Variants in AIG1 observed in about 807,000 individuals in gnomAD.
AIG1 encodes the protein androgen induced 1.
A neutral mutation model predicts 31.4 loss-of-function variants in AIG1; 23 were observed. The ratio of observed to expected loss-of-function variants is 0.73; its 90% CI spans 0.53 to 1.04. The LOEUF is 1.04. Ranked by LOEUF, AIG1 falls within the 50% of genes least tolerant of loss-of-function variation. The pLI is 0.00. For synonymous variants in AIG1, 100 were observed against 110.5 expected, an observed-to-expected ratio of 0.90 and a Z score of 0.60; for missense variants, 274 against 295.0, an observed-to-expected ratio of 0.93 and a Z score of 0.52.
intron 3 of AIG1, among the ~76,000 whole-genome samples, chr6:143,226,963 T>C (rs1234086034): frequency 1.3e-5 from 2 of 151,186 alleles, no homozygotes; most frequent in South Asian, 2.1e-4. Flanking sequence ...TTATAAACTT[T>C]CTTAAAACAT....
chr6:143,082,189 G>C (rs1187939403), intron 1 of AIG1, among the ~76,000 whole-genome samples: 2 of 152,088 alleles, frequency 1.3e-5, no homozygotes, highest in African/African-American at 4.8e-5. Context: ...CCTGAGTGAC[G>C]GCTATTAGTT....
At chr6:143,235,164 G>A (rs530154105) in intron 3 of AIG1, among the ~76,000 whole-genome samples, 1 of 152,288 alleles carries the variant, frequency 6.6e-6, no homozygotes, top group East Asian at 1.9e-4. Flanking sequence ...GGAAAATGGT[G>A]ACATACAACC....
chr6:143,302,285 C>A (rs957138442), intron 4 of AIG1, among the ~76,000 whole-genome samples: 19 of 149,938 alleles, frequency 1.3e-4, no homozygotes, highest in African/African-American at 4.4e-4. Flanking sequence ...AGGTTAGTTA[C>A]CTATGTATAC....
chr6:143,075,760 C>T (rs1296723937), intron 1 of AIG1, among the ~76,000 whole-genome samples: 1 of 152,124 alleles, frequency 6.6e-6, no homozygotes, highest in Admixed American at 6.5e-5. Context: ...AAATTTTACC[C>T]TAGGCACCAC....
At chr6:143,083,437 A>G (rs1221958039) in intron 1 of AIG1, among the ~76,000 whole-genome samples, 2 of 152,170 alleles carry the variant, frequency 1.3e-5, no homozygotes, top group Non-Finnish European at 2.9e-5. Flanking sequence ...ATTGAGAGTC[A>G]GGATGTACAG....
Position 143,280,725 on chromosome 6 carries a change from G to T in AIG1, c.400-3385G>T, listed in dbSNP as rs1039702536. Among the ~76,000 whole-genome samples the T allele has an allele frequency of 2.0e-5, 3 of 152,184 alleles. No homozygotes were observed. The highest frequency in any genetic ancestry group is 4.4e-5 in the Non-Finnish European group (3 of 68,032). ...AACAGACACTGGGGTCTACTTGAGG[G>T]GGAGGTTGGGAGGAGGGAGAGTAGC... is the stretch of plus-strand genomic sequence containing the variant. On this transcript the variant is annotated intron_variant, in intron 3 of 5. Coordinates refer to ENST00000357847, the MANE Select transcript of AIG1 (RefSeq NM_016108.4). This position sits in a 1 kb window ranked among gnomAD's most constrained non-coding sequence, Gnocchi z 4.1.
chr6:143,343,485 C>T (rs191329062), downstream of AIG1: 4 of 259,832 alleles, frequency 1.5e-5, no homozygotes, highest in Admixed American at 1.3e-4. Flanking sequence ...GCCTGGAAGA[C>T]GCCAGCATCT....
At chr6:143,277,375 C>G (rs1162937986) in intron 3 of AIG1, among the ~76,000 whole-genome samples, 2 of 152,194 alleles carry the variant, frequency 1.3e-5, no homozygotes, top group African/African-American at 4.8e-5. Flanking sequence ...CGTATCCCAT[C>G]TTCGTAGGCA....
chr6:143,098,158 T>C (rs1220818475), intron 1 of AIG1, among the ~76,000 whole-genome samples: 1 of 152,196 alleles, frequency 6.6e-6, no homozygotes, highest in Non-Finnish European at 1.5e-5. Context: ...TTGGAAGAAG[T>C]CTACACTTCT....
chr6:143,311,174 A>G (rs954995792), intron 4 of AIG1, among the ~76,000 whole-genome samples: 1 of 151,972 alleles, frequency 6.6e-6, no homozygotes, highest in Non-Finnish European at 1.5e-5. Context: ...CGTATCTCTC[A>G]TGAACATAGA....
upstream of AIG1, among the ~76,000 whole-genome samples, chr6:143,059,701 C>T (rs1287034828): frequency 1.3e-5 from 2 of 152,210 alleles, no homozygotes; most frequent in Non-Finnish European, 2.9e-5. Flanking sequence ...GCTACTTTCT[C>T]TTTACCTCTA....
At chr6:143,302,814 T>G (rs1307108510) in intron 4 of AIG1, among the ~76,000 whole-genome samples, 2 of 152,244 alleles carry the variant, frequency 1.3e-5, no homozygotes, top group South Asian at 4.1e-4. Context: ...ACTTCCACAA[T>G]GGATGAACTA....
intron 3 of AIG1, among the ~76,000 whole-genome samples, chr6:143,207,094 A>C (rs1479105650): frequency 6.6e-6 from 1 of 152,132 alleles, no homozygotes; most frequent in Non-Finnish European, 1.5e-5. Flanking sequence ...CATGTTGAGG[A>C]ACAAGTGAGG....
chr6:143,245,890 G>A (rs1794584755), intron 3 of AIG1, among the ~76,000 whole-genome samples: 1 of 152,128 alleles, frequency 6.6e-6, no homozygotes. Context: ...GTGTGTTCAG[G>A]TCACAAAGAT....
chr6:143,252,592 G>A (rs1795085456), intron 3 of AIG1, among the ~76,000 whole-genome samples: 1 of 152,130 alleles, frequency 6.6e-6, no homozygotes, highest in Non-Finnish European at 1.5e-5. Flanking sequence ...AACATTAGGG[G>A]CCCTGTTGAA....
At chr6:143,301,752 G>A (rs1465312133) in intron 4 of AIG1, among the ~76,000 whole-genome samples, 2 of 152,186 alleles carry the variant, frequency 1.3e-5, no homozygotes, top group East Asian at 3.9e-4. Flanking sequence ...TTGACAAGTG[G>A]GGATTATTAT....
chr6:143,132,182 C>A (rs1049458945), intron 1 of AIG1, among the ~76,000 whole-genome samples: 4 of 152,150 alleles, frequency 2.6e-5, no homozygotes, highest in Non-Finnish European at 5.9e-5. Flanking sequence ...AAGTAAAAAT[C>A]TTTTATATTT....
intron 4 of AIG1, among the ~76,000 whole-genome samples, chr6:143,300,959 T>C (rs547609428): frequency 1.2e-4 from 18 of 152,268 alleles, no homozygotes; most frequent in African/African-American, 3.8e-4. Context: ...ATTTTTATTT[T>C]ATTTATTTCT....
Position 143,279,577 on chromosome 6 carries a change from C to G in AIG1, c.400-4533C>G, listed in dbSNP as rs1468648886. Among the ~76,000 whole-genome samples, 1 of 152,198 alleles carries G rather than the reference C, an allele frequency of 6.6e-6. No homozygotes were observed. Among genetic ancestry groups the G allele is most frequent in the Non-Finnish European group, 1.5e-5 (1 of 68,044 alleles). ...CCCCACCTCAGGTGTGAGGACTGCT[C>G]TGTGTGGAGGTGACACCCCCTTGTG... On this transcript the variant is annotated intron_variant, in intron 3 of 5. Coordinates refer to ENST00000357847, the MANE Select transcript of AIG1 (RefSeq NM_016108.4). The surrounding 1 kb of genome is among the most constrained non-coding windows in gnomAD (Gnocchi z 5.4).
Sources: gnomAD v4.1 joint callset for allele counts (sites outside exome capture counted in the v4.1 genomes callset) on GRCh38, gnomAD v4.1.1 for gene constraint, Gnocchi (gnomAD v3.1) non-coding constraint, MANE v1.5 for transcripts, NCBI Gene and HGNC (gene_info 2026-07-23, HGNC 2026-07-21) for gene names.